The following CSMD3 variants were observed in gnomAD, a reference collection of about 807,000 sequenced individuals.
CSMD3 encodes CUB and Sushi multiple domains 3, also known as CUB and sushi domain-containing protein 3.
CSMD3 carries 177 observed loss-of-function variants against 435.2 expected under a neutral mutation model. That is an observed-to-expected ratio of 0.41 (90% CI 0.36 to 0.46). The LOEUF (loss-of-function observed/expected upper bound fraction) is 0.46, where lower values mean the gene tolerates loss of function less well. CSMD3 is among the 20% of genes least tolerant of loss of function. The pLI, the probability that CSMD3 is intolerant of heterozygous loss-of-function variation, is 0.34. For synonymous variants in CSMD3, 1,656 were observed against 1,520.5 expected, an observed-to-expected ratio of 1.09 and a Z score of -2.07; for missense variants, 4,265 against 4,504.6, an observed-to-expected ratio of 0.95 and a Z score of 1.52.
At chr8:113,301,396 T>C (rs916182460) in intron 2 of CSMD3, among the ~76,000 whole-genome samples, 4 of 152,130 alleles carry the variant, frequency 2.6e-5, no homozygotes, top group Admixed American at 2.6e-4. Flanking sequence ...CTAATAAATA[T>C]ATTATGGCAA....
intron 38 of CSMD3, among the ~76,000 whole-genome samples, chr8:112,366,240 T>G (rs144084808): frequency 3.3e-5 from 5 of 152,306 alleles, no homozygotes; most frequent in Non-Finnish European, 7.3e-5. Flanking sequence ...AAAATACTGC[T>G]TATTATAAGA....
intron 13 of CSMD3, among the ~76,000 whole-genome samples, chr8:112,705,245 A>G (rs948907588): frequency 2.6e-5 from 4 of 152,066 alleles, no homozygotes; most frequent in Non-Finnish European, 5.9e-5. Context: ...AAGATATCCT[A>G]GGAAGAAAAG....
At chr8:113,435,137 C>CTGAGCCGTGCTTTGTACATTTGG (rs2094697870) in intron 1 of CSMD3, among the ~76,000 whole-genome samples, 1 of 152,162 alleles carries the variant, frequency 6.6e-6, no homozygotes, top group African/African-American at 2.4e-5. Flanking sequence ...ACAAAGAAAC[C>CTGAGCCGTGCTTTGTACATTTGG]TTGTAAGCAA....
At chr8:112,501,396 A>G (rs1016144929) in intron 30 of CSMD3, among the ~76,000 whole-genome samples, 8 of 136,860 alleles carry the variant, frequency 5.8e-5, no homozygotes, top group Non-Finnish European at 9.2e-5. Context: ...CATCTCAAGG[A>G]AAAAAAAAAA....
At chr8:113,263,732 C>A (rs1366636351) in intron 3 of CSMD3, among the ~76,000 whole-genome samples, 1 of 151,720 alleles carries the variant, frequency 6.6e-6, no homozygotes, top group Admixed American at 6.6e-5. Flanking sequence ...GAAGAATATT[C>A]TAGATAAAAT....
chr8:112,514,281 G>A (rs924296244), intron 28 of CSMD3, among the ~76,000 whole-genome samples: 2 of 152,064 alleles, frequency 1.3e-5, no homozygotes, highest in Non-Finnish European at 2.9e-5. Context: ...ATTATCTGAC[G>A]TTTGTAAATC....
intron 4 of CSMD3, among the ~76,000 whole-genome samples, chr8:113,131,443 G>A (rs1407799020): frequency 6.6e-6 from 1 of 152,046 alleles, no homozygotes; most frequent in Non-Finnish European, 1.5e-5. Context: ...AGCTTGAATT[G>A]TTGCTTCAGA....
intron 3 of CSMD3, among the ~76,000 whole-genome samples, chr8:113,248,478 T>TATATGTATATAC (rs1491380758): frequency 3.7e-5 from 5 of 135,358 alleles, no homozygotes; most frequent in Admixed American, 1.5e-4. Context: ...GATATATATG[T>TATATGTATATAC]ATATATACAT....
intron 24 of CSMD3, among the ~76,000 whole-genome samples, chr8:112,559,500 G>A (rs1828424218): frequency 6.6e-6 from 1 of 151,758 alleles, no homozygotes. Flanking sequence ...TATTCATGGT[G>A]TTGCCCCCAG....
At chr8:113,070,924 T>C (rs1158038449) in intron 5 of CSMD3, among the ~76,000 whole-genome samples, 1 of 152,074 alleles carries the variant, frequency 6.6e-6, no homozygotes, top group East Asian at 1.9e-4. Context: ...GCATACCAAT[T>C]TACATTTCCA....
At chr8:113,289,084 T>C (rs1024531397) in intron 2 of CSMD3, among the ~76,000 whole-genome samples, 6 of 151,010 alleles carry the variant, frequency 4.0e-5, no homozygotes, top group African/African-American at 1.5e-4. Context: ...ATTGGGCAGG[T>C]TACTTGCCTC....
intron 10 of CSMD3, among the ~76,000 whole-genome samples, chr8:112,877,433 A>G (rs762059544): frequency 6.6e-6 from 1 of 151,848 alleles, no homozygotes; most frequent in African/African-American, 2.4e-5. Context: ...CACCTGGCTA[A>G]TTTTTTGTAT....
intron 7 of CSMD3, among the ~76,000 whole-genome samples, chr8:112,964,928 G>A (rs1171229989): frequency 6.6e-6 from 1 of 151,928 alleles, no homozygotes; most frequent in Non-Finnish European, 1.5e-5. Flanking sequence ...ACATATGAAG[G>A]TTCTGCTCTT....
intron 32 of CSMD3, among the ~76,000 whole-genome samples, chr8:112,418,347 C>T (rs776013082): frequency 4.6e-5 from 7 of 152,082 alleles, no homozygotes; most frequent in Non-Finnish European, 8.8e-5. Flanking sequence ...ATTTTCATCT[C>T]ATATGAATAT....
intron 1 of CSMD3, among the ~76,000 whole-genome samples, chr8:113,376,147 T>C (rs2094381245): frequency 1.3e-5 from 2 of 152,140 alleles, no homozygotes; most frequent in Non-Finnish European, 2.9e-5. Context: ...ATTTGTTCAT[T>C]TGAACATAGA....
Position 113,195,988 on chromosome 8 carries a change from G to T in CSMD3, c.515-22072C>A, listed in dbSNP as rs144180073. On this transcript the variant is annotated intron_variant, in intron 3 of 70. Coordinates refer to ENST00000297405, the MANE Select transcript of CSMD3 (RefSeq NM_198123.2). ...GAGGACAACTTATGGTATGAGGAAAGGTGTCATCCTTGCCAAATGCCTTCA... is the reference window on the plus strand; with the variant it reads ...GAGGACAACTTATGGTATGAGGAAATGTGTCATCCTTGCCAAATGCCTTCA... 1.1e-3 allele frequency among the ~76,000 whole-genome samples: 162 copies of T among 150,432 alleles called. 6 individuals carry two copies. Among genetic ancestry groups the T allele is most frequent in the Non-Finnish European group, 7.0e-4 (47 of 67,096 alleles).
chr8:112,419,062 C>A (rs1245733615), intron 32 of CSMD3, among the ~76,000 whole-genome samples: 1 of 152,094 alleles, frequency 6.6e-6, no homozygotes, highest in Non-Finnish European at 1.5e-5. Context: ...TAGTCTCATG[C>A]ATAAGGGATG....
At position 113,062,333 on chromosome 8, in the gene CSMD3, C is replaced by A. The variant is rs530220103; in HGVS notation, c.917+36423G>T. On this transcript the variant is annotated intron_variant, in intron 5 of 70. Coordinates refer to ENST00000297405, the MANE Select transcript of CSMD3 (RefSeq NM_198123.2). ...AAGCATGAATATGAACTGCTCGGAA[C>A]AAAATTATTCAGACAATATATGTGG... Among the ~76,000 whole-genome samples the A allele has an allele frequency of 1.6e-3, 245 of 151,880 alleles. 1 individual carries two copies. The highest frequency in any genetic ancestry group is 5.5e-3 in the African/African-American group (229 of 41,510).
intron 35 of CSMD3, among the ~76,000 whole-genome samples, chr8:112,399,464 C>A (rs1253097259): frequency 2.6e-5 from 4 of 151,942 alleles, no homozygotes; most frequent in Admixed American, 2.6e-4. Flanking sequence ...TTCCCATTGG[C>A]CAGACTGGCT....
Sources: gnomAD v4.1 joint callset for allele counts (sites outside exome capture counted in the v4.1 genomes callset) on GRCh38, gnomAD v4.1.1 for gene constraint, MANE v1.5 for transcripts, NCBI Gene and HGNC (gene_info 2026-07-23, HGNC 2026-07-21) for gene names.